Variants in ADGRB3 observed in about 807,000 individuals in gnomAD.
The protein encoded by ADGRB3 is brain-specific angiogenesis inhibitor 3.
A neutral mutation model predicts 193.4 loss-of-function variants in ADGRB3; 37 were observed. The ratio of observed to expected loss-of-function variants is 0.19; its 90% CI spans 0.15 to 0.25. The LOEUF is 0.25. Ranked by LOEUF, ADGRB3 falls within the 10% of genes least tolerant of loss-of-function variation. The pLI is 1.00. For synonymous variants in ADGRB3, 690 were observed against 644.2 expected (o/e 1.07, Z -1.08); for missense variants, 1,637 against 1,852.9 (o/e 0.88, Z 2.14).
chr6:69,204,507 A>G (rs1327181871), intron 17 of ADGRB3, among the ~76,000 whole-genome samples: 1 of 152,158 alleles, frequency 6.6e-6, no homozygotes, highest in African/African-American at 2.4e-5. Context: ...TGAGTGGTTA[A>G]GGCATTGGAC....
At chr6:69,220,798 G>T (rs765900302) in intron 17 of ADGRB3, among the ~76,000 whole-genome samples, 1 of 152,012 alleles carries the variant, frequency 6.6e-6, no homozygotes, top group Non-Finnish European at 1.5e-5. Context: ...AGCATGATAG[G>T]AAGATAGAGT....
At chr6:69,290,670 A>G (rs921093379) in intron 20 of ADGRB3, among the ~76,000 whole-genome samples, 1 of 152,200 alleles carries the variant, frequency 6.6e-6, no homozygotes, top group African/African-American at 2.4e-5. Flanking sequence ...CCCAAATACA[A>G]TAATAAAAGC....
intron 6 of ADGRB3, 134 bp downstream of exon 6, chr6:68,944,128 C>T: frequency 2.1e-6 from 2 of 949,360 alleles, no homozygotes; most frequent in Non-Finnish European, 3.0e-6. Flanking sequence ...TGTATCTTGC[C>T]TAAAACTGGG....
intron 3 of ADGRB3, among the ~76,000 whole-genome samples, chr6:68,873,733 G>C (rs1289086403): frequency 6.6e-6 from 1 of 152,030 alleles, no homozygotes; most frequent in Non-Finnish European, 1.5e-5. Flanking sequence ...TTCTTCTCCA[G>C]TATTGACAAT....
intron 17 of ADGRB3, among the ~76,000 whole-genome samples, chr6:69,207,067 C>A (rs1024283796): frequency 6.6e-6 from 1 of 152,154 alleles, no homozygotes; most frequent in Non-Finnish European, 1.5e-5. Context: ...CTAGGTCATT[C>A]ACGCCAGCCA....
chr6:68,915,445 A>C (rs76209080), intron 3 of ADGRB3, among the ~76,000 whole-genome samples: 20,564 of 152,258 alleles, frequency 0.14, 1,840 homozygotes, highest in Non-Finnish European at 0.2. Context: ...CAAGCCCAAA[A>C]GAAAGGGAAA....
At chr6:68,665,131 A>G (rs966727115) in intron 3 of ADGRB3, among the ~76,000 whole-genome samples, 1 of 149,254 alleles carries the variant, frequency 6.7e-6, no homozygotes, top group Non-Finnish European at 1.5e-5. Context: ...GTGAAGGACC[A>G]CTCTTTATCA....
At chr6:69,084,811 A>T (rs918347830) in intron 17 of ADGRB3, among the ~76,000 whole-genome samples, 1 of 152,144 alleles carries the variant, frequency 6.6e-6, no homozygotes, top group African/African-American at 2.4e-5. Context: ...TATGGCATGG[A>T]GGTGAATGAT....
chr6:68,783,917 T>C (rs924629367), intron 3 of ADGRB3, among the ~76,000 whole-genome samples: 2 of 152,016 alleles, frequency 1.3e-5, no homozygotes, highest in Non-Finnish European at 2.9e-5. Context: ...GTAGTAGATG[T>C]ACCATCAGCT....
intron 3 of ADGRB3, among the ~76,000 whole-genome samples, chr6:68,775,486 G>A (rs1214441455): frequency 1.3e-5 from 2 of 152,102 alleles, no homozygotes; most frequent in Non-Finnish European, 2.9e-5. Flanking sequence ...CCAGATAGCA[G>A]CTGGCCAGAA....
Position 68,718,193 on chromosome 6 carries a change from A to G in ADGRB3, c.757+78761A>G, listed in dbSNP as rs185282902. 3.6e-3 allele frequency among the ~76,000 whole-genome samples: 549 copies of G among 151,826 alleles called. 3 individuals carry two copies. The Middle Eastern group carries it at 0.037, about 10-fold the overall frequency. On this transcript the variant is annotated intron_variant, in intron 3 of 31. Coordinates refer to ENST00000370598, the MANE Select transcript of ADGRB3 (RefSeq NM_001704.3). Reference sequence around the variant, plus strand: ...GTGTTTAGGGATGTTTTAAAAAACCATGGATGTGAGTGGTTCACAAATGTT... The same window carrying G: ...GTGTTTAGGGATGTTTTAAAAAACCGTGGATGTGAGTGGTTCACAAATGTT...
At chr6:69,156,926 T>G (rs1774857042) in intron 17 of ADGRB3, among the ~76,000 whole-genome samples, 1 of 152,214 alleles carries the variant, frequency 6.6e-6, no homozygotes, top group Non-Finnish European at 1.5e-5. Context: ...TAGCAATATT[T>G]ATTACTATTC....
intron 17 of ADGRB3, among the ~76,000 whole-genome samples, chr6:69,178,026 G>T (rs1383513019): frequency 6.6e-6 from 1 of 152,166 alleles, no homozygotes; most frequent in Non-Finnish European, 1.5e-5. Flanking sequence ...GTCTAATGCT[G>T]TCAGTAGGAT....
At chr6:68,886,285 G>T (rs1765905337) in intron 3 of ADGRB3, among the ~76,000 whole-genome samples, 1 of 152,012 alleles carries the variant, frequency 6.6e-6, no homozygotes, top group Non-Finnish European at 1.5e-5. Context: ...CTAAAGTACA[G>T]TACTCATTAC....
intron 13 of ADGRB3, among the ~76,000 whole-genome samples, chr6:69,022,782 G>A (rs1052199492): frequency 1.3e-5 from 2 of 151,942 alleles, no homozygotes; most frequent in African/African-American, 4.8e-5. Context: ...AAGGATAAAA[G>A]TACATTATTT....
At chr6:69,289,881 G>A (rs1199053358) in intron 20 of ADGRB3, among the ~76,000 whole-genome samples, 2 of 151,880 alleles carry the variant, frequency 1.3e-5, no homozygotes, top group Admixed American at 1.3e-4. Flanking sequence ...GCGGTGATGT[G>A]AGTCAGTGTG....
chr6:69,035,763 G>A (rs1271611874), intron 13 of ADGRB3, among the ~76,000 whole-genome samples: 1 of 152,164 alleles, frequency 6.6e-6, no homozygotes, highest in Non-Finnish European at 1.5e-5. Flanking sequence ...AGGTGGGCAT[G>A]AGAAGACAAC....
intron 12 of ADGRB3, among the ~76,000 whole-genome samples, chr6:69,016,864 C>CA (rs909746197): frequency 6.6e-6 from 1 of 151,520 alleles, no homozygotes; most frequent in Non-Finnish European, 1.5e-5. Flanking sequence ...ATTTTCAACA[C>CA]AAAAAAATAA....
intron 3 of ADGRB3, among the ~76,000 whole-genome samples, chr6:68,816,642 G>T (rs1021495454): frequency 1.3e-5 from 2 of 151,126 alleles, no homozygotes; most frequent in Admixed American, 6.6e-5. Flanking sequence ...AGTCACACTG[G>T]CTCCCAAGCT....
Sources: gnomAD v4.1 joint callset for allele counts (sites outside exome capture counted in the v4.1 genomes callset) on GRCh38, gnomAD v4.1.1 for gene constraint, MANE v1.5 for transcripts, NCBI Gene and HGNC (gene_info 2026-07-23, HGNC 2026-07-21) for gene names.